The following CMIP variants were observed in gnomAD, a reference collection of about 807,000 sequenced individuals.
The protein encoded by CMIP is C-Maf-inducing protein.
Under a neutral mutation model 97.3 loss-of-function variants are expected in CMIP, and 13 were observed. That is an observed-to-expected ratio of 0.13 (90% confidence interval 0.09 to 0.21). The LOEUF (loss-of-function observed/expected upper bound fraction) is 0.21, where lower values mean the gene tolerates loss of function less well. CMIP is among the 10% of genes least tolerant of loss of function. CMIP has a pLI of 1.00. For missense variants in CMIP, 847 were observed against 1,024.9 expected (o/e 0.83, Z 2.37); for synonymous variants, 538 against 436.3 (o/e 1.23, Z -2.91).
intron 1 of CMIP, among the ~76,000 whole-genome samples, chr16:81,604,349 A>T (rs1012757023): frequency 1.1e-4 from 16 of 145,450 alleles, no homozygotes; most frequent in African/African-American, 3.9e-4. Flanking sequence ...TGAGCTGAGA[A>T]TGCACCATTG....
chr16:81,467,110 C>T (rs1276755104), intron 1 of CMIP, among the ~76,000 whole-genome samples: 2 of 152,184 alleles, frequency 1.3e-5, no homozygotes, highest in Admixed American at 1.3e-4. Flanking sequence ...GAGCGAGTTT[C>T]CATCCCACCA....
chr16:81,574,097 A>G (rs993660143), intron 1 of CMIP, among the ~76,000 whole-genome samples: 1 of 152,232 alleles, frequency 6.6e-6, no homozygotes, highest in Admixed American at 6.5e-5. Flanking sequence ...CACACTAGCC[A>G]CATTGTGAGT....
intron 1 of CMIP, among the ~76,000 whole-genome samples, chr16:81,588,835 C>T (rs532140472): frequency 5.9e-5 from 9 of 152,226 alleles, no homozygotes; most frequent in Non-Finnish European, 1.0e-4. Context: ...GGCCTCCCGT[C>T]GTCTTCCTGT....
chr16:81,598,487 G>A (rs1324007389), intron 1 of CMIP, among the ~76,000 whole-genome samples: 3 of 152,216 alleles, frequency 2.0e-5, no homozygotes, highest in Non-Finnish European at 1.5e-5. Context: ...GTAGGGCAGT[G>A]CCAGTATCAA....
chr16:81,546,600 G>C (rs1597539400), intron 1 of CMIP, among the ~76,000 whole-genome samples: 2 of 152,244 alleles, frequency 1.3e-5, no homozygotes, highest in African/African-American at 4.8e-5. Context: ...AGCGAACACA[G>C]TTGTGTGTCT....
chr16:81,510,932 C>G (rs2089798971), intron 1 of CMIP, among the ~76,000 whole-genome samples: 1 of 152,200 alleles, frequency 6.6e-6, no homozygotes, highest in East Asian at 1.9e-4. Flanking sequence ...ATTGGTCAGT[C>G]TGGTCTTGAA....
chr16:81,450,112 C>T (rs1906116534), intron 1 of CMIP, among the ~76,000 whole-genome samples: 1 of 152,162 alleles, frequency 6.6e-6, no homozygotes, highest in African/African-American at 2.4e-5. Flanking sequence ...GGGGCACTGT[C>T]CTGGGCAGGG....
At chr16:81,666,200 G>A (rs1354000860) in intron 7 of CMIP, 3 of 152,136 alleles carry the variant, frequency 2.0e-5, no homozygotes, top group African/African-American at 7.2e-5. Flanking sequence ...AATCACTACG[G>A]GTGTAGTGTA....
At chr16:81,686,500 C>G (rs1905406108) in intron 10 of CMIP, among the ~76,000 whole-genome samples, 1 of 152,234 alleles carries the variant, frequency 6.6e-6, no homozygotes, top group Non-Finnish European at 1.5e-5. Flanking sequence ...TCTGCCCTCA[C>G]ATACCGCTCT....
intron 3 of CMIP, among the ~76,000 whole-genome samples, chr16:81,639,895 G>A (rs1245578851): frequency 6.6e-6 from 1 of 152,130 alleles, no homozygotes; most frequent in East Asian, 1.9e-4. Context: ...GAGTCATTTG[G>A]GGCACACCTC....
rs936702357 is a variant in CMIP, at chr16:81,453,385, C to T, written c.300+7844C>T. Among the ~76,000 whole-genome samples, 6 of 152,220 alleles carry T rather than the reference C, an allele frequency of 3.9e-5. No homozygotes were observed. Among genetic ancestry groups the T allele is most frequent in the Admixed American group, 3.9e-4 (6 of 15,284 alleles). On this transcript the variant is annotated intron_variant, in intron 1 of 20. Transcript: ENST00000537098. The surrounding 1 kb of genome is among the most constrained non-coding windows in gnomAD (Gnocchi z 4.0). ...TGCTTCCCTTGGGCTGGGCTGGCTG[C>T]ATCCAGCTCAGGTGGGGTCATATGG... is the stretch of plus-strand genomic sequence containing the variant.
At chr16:81,618,857 T>C (rs906066885) in intron 2 of CMIP, 2 of 152,262 alleles carry the variant, frequency 1.3e-5, no homozygotes, top group Non-Finnish European at 2.9e-5. Context: ...GAAGCACTTT[T>C]CATGGATTAG....
intron 1 of CMIP, among the ~76,000 whole-genome samples, chr16:81,591,079 G>A (rs138330702): frequency 9.7e-4 from 147 of 152,326 alleles, no homozygotes; most frequent in African/African-American, 3.2e-3. Flanking sequence ...TACAGAAAAT[G>A]TTTGCTAAGC....
At chr16:81,692,458 G>A (rs1906198663) in intron 11 of CMIP, among the ~76,000 whole-genome samples, 1 of 152,158 alleles carries the variant, frequency 6.6e-6, no homozygotes, top group Admixed American at 6.5e-5. Context: ...AAAATAACCA[G>A]GCCCTGAAAT....
At chr16:81,483,621 C>A (rs956865287) in intron 1 of CMIP, among the ~76,000 whole-genome samples, 1 of 150,884 alleles carries the variant, frequency 6.6e-6, no homozygotes, top group Non-Finnish European at 1.5e-5. Context: ...CCCTGACCCT[C>A]CCCCAGCTGC....
At chr16:81,475,960 G>A (rs913963280) in intron 1 of CMIP, 10 of 450,692 alleles carry the variant, frequency 2.2e-5, no homozygotes, top group East Asian at 1.0e-4. Flanking sequence ...GCGCTCCAGC[G>A]TGGGTGACAG....
At chr16:81,474,308 A>G (rs912700996) in intron 1 of CMIP, among the ~76,000 whole-genome samples, 2 of 150,580 alleles carry the variant, frequency 1.3e-5, no homozygotes, top group South Asian at 2.1e-4. Context: ...CTCTCTCCCT[A>G]CTGTCTCCAT....
chr16:81,458,237 G>C (rs2150735481), intron 1 of CMIP, among the ~76,000 whole-genome samples: 1 of 152,174 alleles, frequency 6.6e-6, no homozygotes, highest in South Asian at 2.1e-4. Context: ...TCCACGGCTG[G>C]GCAGTGGGTC....
intron 1 of CMIP, among the ~76,000 whole-genome samples, chr16:81,564,609 C>T (rs955134929): frequency 6.6e-6 from 1 of 152,184 alleles, no homozygotes. Context: ...GCCGCAGTGC[C>T]AGGGAGCCTG....
Sources: gnomAD v4.1 joint callset for allele counts (sites outside exome capture counted in the v4.1 genomes callset) on GRCh38, gnomAD v4.1.1 for gene constraint, Gnocchi (gnomAD v3.1) non-coding constraint, MANE v1.5 for transcripts, NCBI Gene and HGNC (gene_info 2026-07-23, HGNC 2026-07-21) for gene names.